The following PDE11A variants were observed in gnomAD, a reference collection of about 807,000 sequenced individuals.
PDE11A encodes dual 3',5'-cyclic-AMP and -GMP phosphodiesterase 11A.
In PDE11A, 100 loss-of-function variants were observed where a neutral mutation model predicts 100.5. The observed-to-expected ratio is 1.00, with a 90% CI of 0.85 to 1.18. The LOEUF (loss-of-function observed/expected upper bound fraction) is 1.18. Ranked by LOEUF, PDE11A falls within the 50% of genes most tolerant of loss-of-function variation. PDE11A has a pLI of 0.00. For missense variants in PDE11A, 1,141 were observed against 1,152.6 expected (o/e 0.99, Z 0.15); for synonymous variants, 381 against 420.8 (o/e 0.91, Z 1.16).
chr2:177,698,528 G>GT (rs1388091081), intron 14 of PDE11A: 2 of 152,142 alleles, frequency 1.3e-5, no homozygotes, highest in Non-Finnish European at 2.9e-5. Context: ...GAGAAGGAAT[G>GT]TGGTGGAATG....
chr2:177,813,230 C>T (rs1012361829), intron 9 of PDE11A, among the ~76,000 whole-genome samples: 6 of 152,186 alleles, frequency 3.9e-5, no homozygotes, highest in Non-Finnish European at 5.9e-5. Context: ...GCTGGACCAG[C>T]CTGCTCCTTT....
intron 10 of PDE11A, among the ~76,000 whole-genome samples, chr2:177,736,071 C>G (rs573554509): frequency 6.6e-6 from 1 of 152,312 alleles, no homozygotes; most frequent in East Asian, 1.9e-4. Context: ...CCAAGCAACC[C>G]TTTGTGTCCT....
intron 14 of PDE11A, 59 bp from the exon 15 acceptor site, chr2:177,697,491 GT>G: frequency 3.5e-6 from 3 of 846,478 alleles, no homozygotes; most frequent in East Asian, 2.5e-5. Flanking sequence ...TTGATTACAT[GT>G]TTTTCCTCTA....
chr2:177,767,562 C>T (rs2082256592), intron 10 of PDE11A, among the ~76,000 whole-genome samples: 1 of 151,816 alleles, frequency 6.6e-6, no homozygotes. Context: ...AATAGGATTC[C>T]TAAATAATTG....
chr2:178,021,058 G>C (rs1284223062), intron 1 of PDE11A, among the ~76,000 whole-genome samples: 1 of 151,046 alleles, frequency 6.6e-6, no homozygotes, highest in Non-Finnish European at 1.5e-5. Context: ...ACCTCCCAGG[G>C]TCAAGTAATT....
intron 5 of PDE11A, among the ~76,000 whole-genome samples, chr2:177,841,268 G>A (rs2083486358): frequency 6.6e-6 from 1 of 152,096 alleles, no homozygotes; most frequent in South Asian, 2.1e-4. Flanking sequence ...ATTGAGAACT[G>A]TTCAAATTAG....
intron 9 of PDE11A, among the ~76,000 whole-genome samples, chr2:177,781,755 G>A (rs894149067): frequency 3.3e-5 from 5 of 152,098 alleles, no homozygotes; most frequent in Non-Finnish European, 7.4e-5. Flanking sequence ...GCCCGCCTCT[G>A]CCTCCCAAAG....
chr2:177,786,159 C>G (rs552964900), intron 9 of PDE11A, among the ~76,000 whole-genome samples: 1 of 152,328 alleles, frequency 6.6e-6, no homozygotes, highest in South Asian at 2.1e-4. Context: ...AGACTGACAC[C>G]TCACACGGCC....
intron 7 of PDE11A, among the ~76,000 whole-genome samples, chr2:177,819,868 T>TTCTCTCTCTCTCTCTCTCTCTC (rs34374310): frequency 3.1e-4 from 43 of 139,182 alleles, no homozygotes; most frequent in African/African-American, 1.1e-3. Flanking sequence ...CTTTCTCTCT[T>TTCTCTCTCTCTCTCTCTCTCTC]TCTCTCTCTC....
At chr2:177,982,240 T>C (rs1240491305) in intron 2 of PDE11A, among the ~76,000 whole-genome samples, 1 of 150,850 alleles carries the variant, frequency 6.6e-6, no homozygotes, top group African/African-American at 2.4e-5. Flanking sequence ...TTTTGTTATT[T>C]TTTTTGGCCA....
intron 2 of PDE11A, among the ~76,000 whole-genome samples, chr2:177,960,949 A>G (rs1259650000): frequency 1.3e-5 from 2 of 152,188 alleles, no homozygotes; most frequent in Non-Finnish European, 2.9e-5. Context: ...GAAGATGTCA[A>G]TCTTAGATAG....
intron 2 of PDE11A, among the ~76,000 whole-genome samples, chr2:177,915,342 C>T (rs1456591592): frequency 6.6e-6 from 1 of 152,162 alleles, no homozygotes; most frequent in Non-Finnish European, 1.5e-5. Flanking sequence ...GCTTCACCTG[C>T]TAATCCCTCC....
In PDE11A at chr2:177,646,351, C is replaced by A. The variant is rs2080223334; in HGVS notation, c.2647-16789G>T. 2.0e-5 allele frequency among the ~76,000 whole-genome samples: 3 copies of A among 152,198 alleles called. No homozygotes were observed. The South Asian group carries it at 6.2e-4, about 32-fold the overall frequency. Reference sequence around the variant, plus strand: ...GTGATAGAAAGTAAAGCACATCTTGCTAACATGAATTAACTACTGAGTATT... The same window carrying A: ...GTGATAGAAAGTAAAGCACATCTTGATAACATGAATTAACTACTGAGTATT... On this transcript the variant is annotated intron_variant, in intron 19 of 19. Transcript: ENST00000286063.
chr2:178,000,682 A>G (rs1043272570), intron 2 of PDE11A, among the ~76,000 whole-genome samples: 3 of 152,220 alleles, frequency 2.0e-5, no homozygotes, highest in Admixed American at 6.5e-5. Context: ...TTATTTTTTA[A>G]TGATTTCTAA....
intron 2 of PDE11A, among the ~76,000 whole-genome samples, chr2:178,013,674 C>T (rs2086298341): frequency 6.6e-6 from 1 of 152,130 alleles, no homozygotes; most frequent in East Asian, 1.9e-4. Flanking sequence ...AAGGTAGAAG[C>T]TTCAAAGCCA....
In PDE11A at chr2:177,728,047, C is replaced by T. The variant is rs1244161092; in HGVS notation, c.1914G>A (p.Gln638=). Residue 638 remains glutamine, a synonymous_variant, in exon 11 of 20, where the codon CAG becomes CAA. Transcript: ENST00000286063. ...LRMFMELGMV[Q]KFKIDYETLC... is the part of the protein sequence containing the mutation. ...TTACCTCATAGTCAATTTTAAATTT[C>T]TGTACCATCCCCAGCTCCATGAACA... 2 of 1,613,450 alleles carry T rather than the reference C, an allele frequency of 1.2e-6. No individual in the cohort carries two copies. The highest frequency in any genetic ancestry group is 2.7e-5 in the African/African-American group (2 of 75,012).
chr2:177,697,434 T>C lies in PDE11A; in HGVS notation c.2245-2A>G, dbSNP rs763854172. 4 of 1,445,446 alleles carry C rather than the reference T, an allele frequency of 2.8e-6. No individual in the cohort carries two copies. Among genetic ancestry groups the C allele is most frequent in the Non-Finnish European group, 3.9e-6 (4 of 1,026,360 alleles). 89.5% of individuals were successfully genotyped at this position (1,445,446 alleles called of 1,614,324 possible). On this transcript the variant is annotated splice_acceptor_variant, in intron 14 of 19. Coordinates refer to ENST00000286063, the MANE Select transcript of PDE11A (RefSeq NM_016953.4). LOFTEE classifies it high-confidence loss of function. ...CAGGTTAGCAAAGATATTGTGACCC[T>C]GTAATGAGAAAGTAAAAAGTCACAA... is the stretch of plus-strand genomic sequence containing the variant.
At chr2:178,099,792 C>T (rs541936549) in intron 2 of PDE11A, among the ~76,000 whole-genome samples, 6 of 152,210 alleles carry the variant, frequency 3.9e-5, no homozygotes, top group East Asian at 3.9e-4. Context: ...AACACGGACT[C>T]GACAGATATT....
At chr2:177,952,616 C>A (rs557653055) in intron 2 of PDE11A, among the ~76,000 whole-genome samples, 3 of 152,176 alleles carry the variant, frequency 2.0e-5, no homozygotes, top group Admixed American at 6.5e-5. Context: ...CTGTCAGAAA[C>A]CCATATCCTT....
Sources: gnomAD v4.1 joint callset for allele counts (sites outside exome capture counted in the v4.1 genomes callset) on GRCh38, gnomAD v4.1.1 for gene constraint, MANE v1.5 for transcripts, NCBI Gene and HGNC (gene_info 2026-07-23, HGNC 2026-07-21) for gene names.